GALNTL6: variants seen among roughly 807,000 people sequenced by gnomAD.
The protein encoded by GALNTL6 is polypeptide N-acetylgalactosaminyltransferase-like 6.
In GALNTL6, 46 loss-of-function variants were observed where a neutral mutation model predicts 73.7. That is an observed-to-expected ratio of 0.62 (90% CI 0.49 to 0.80). The LOEUF is 0.80. Ranked by LOEUF, GALNTL6 falls within the 30% of genes least tolerant of loss-of-function variation. The pLI, the probability that GALNTL6 is intolerant of heterozygous loss-of-function variation, is 0.00. For synonymous variants in GALNTL6, 259 were observed against 263.7 expected (o/e 0.98, Z 0.17); for missense variants, 604 against 755.0 (o/e 0.80, Z 2.34).
chr4:172,809,507 C>G lies in GALNTL6; in HGVS notation c.700C>G (p.His234Asp). The G allele has an allele frequency of 6.2e-7, 1 of 1,613,562 alleles. No homozygotes were observed. Among genetic ancestry groups the G allele is most frequent in the Non-Finnish European group, 8.5e-7 (1 of 1,179,746 alleles). The change falls in exon 6 of 13, where the codon CAC becomes GAC. Residue 234 changes from histidine to aspartate, a missense_variant. Physicochemically the swap from His to Asp is moderately conservative, Grantham distance 81. This residue lies in a region of GALNTL6 where 179 missense variants were observed against 230.8 expected (regional missense o/e 0.78). Transcript: ENST00000506823. The surrounding 1 kb of genome is among the most constrained non-coding windows in gnomAD (Gnocchi z 4.4). ...RGEVLTFLDSHCEVNVNWLPP... is the reference protein window; with the variant it reads ...RGEVLTFLDSDCEVNVNWLPP... ...AGAAGTCCTGACATTCCTGGACTCC[C>G]ACTGCGAGGTCAATGTGAACTGGCT... is the stretch of plus-strand genomic sequence containing the variant.
chr4:172,723,533 C>T (rs558771503), intron 5 of GALNTL6, among the ~76,000 whole-genome samples: 1 of 152,200 alleles, frequency 6.6e-6, no homozygotes, highest in South Asian at 2.1e-4. Context: ...TTTAGTTGAT[C>T]TTTATCTTTT....
intron 3 of GALNTL6, among the ~76,000 whole-genome samples, chr4:172,304,566 T>C (rs1740057704): frequency 6.6e-6 from 1 of 152,206 alleles, no homozygotes; most frequent in Non-Finnish European, 1.5e-5. Context: ...TTCAGCTGCT[T>C]ATTGCTCAAA....
chr4:171,845,340 G>T (rs896714424), intron 2 of GALNTL6, among the ~76,000 whole-genome samples: 5 of 152,120 alleles, frequency 3.3e-5, no homozygotes, highest in Non-Finnish European at 5.9e-5. Context: ...GTTCTGGACC[G>T]AAAGAAAAAC....
chr4:172,132,340 C>A (rs1215915569), intron 2 of GALNTL6, among the ~76,000 whole-genome samples: 1 of 151,994 alleles, frequency 6.6e-6, no homozygotes, highest in African/African-American at 2.4e-5. Flanking sequence ...ATTTTTTGAA[C>A]ACATGAATTT....
chr4:172,777,125 C>T (rs1249599647), intron 5 of GALNTL6, among the ~76,000 whole-genome samples: 1 of 152,148 alleles, frequency 6.6e-6, no homozygotes, highest in Non-Finnish European at 1.5e-5. Flanking sequence ...AAAATTATCA[C>T]ATCACTCTGT....
At chr4:172,114,862 T>C (rs891537494) in intron 2 of GALNTL6, among the ~76,000 whole-genome samples, 1 of 151,976 alleles carries the variant, frequency 6.6e-6, no homozygotes, top group African/African-American at 2.4e-5. Context: ...CAAATTTTAT[T>C]ACATACGACA....
chr4:172,989,181 G>A (rs915869743), intron 10 of GALNTL6, among the ~76,000 whole-genome samples: 2 of 152,190 alleles, frequency 1.3e-5, no homozygotes, highest in Non-Finnish European at 2.9e-5. Context: ...AACCAAGGAG[G>A]CTATATCTTG....
At chr4:172,674,341 C>T (rs1477977915) in intron 5 of GALNTL6, among the ~76,000 whole-genome samples, 1 of 152,178 alleles carries the variant, frequency 6.6e-6, no homozygotes, top group African/African-American at 2.4e-5. Context: ...CACCATTAAA[C>T]TCATGAGCTT....
chr4:172,755,214 A>C (rs2110798730), intron 5 of GALNTL6, among the ~76,000 whole-genome samples: 1 of 144,894 alleles, frequency 6.9e-6, no homozygotes, highest in Admixed American at 7.1e-5. Flanking sequence ...AAGCCATAAG[A>C]TAAGAGATAG....
rs371549177 is a variant in GALNTL6, at chr4:172,559,185, C to T, written c.553+210496C>T. 4.7e-5 allele frequency among the ~76,000 whole-genome samples: 7 copies of T among 149,726 alleles called. No homozygotes were observed. The East Asian group carries it at 1.2e-3, about 25-fold the overall frequency. On this transcript the variant is annotated intron_variant, in intron 5 of 12. Coordinates refer to ENST00000506823, the MANE Select transcript of GALNTL6 (RefSeq NM_001034845.3). ...GTTCATGCCGTTCTCCTGCCTCAGCCTCCCGAGTAGCTGAGACCACAGGCA... is the reference window on the plus strand; with the variant it reads ...GTTCATGCCGTTCTCCTGCCTCAGCTTCCCGAGTAGCTGAGACCACAGGCA...
intron 8 of GALNTL6, among the ~76,000 whole-genome samples, chr4:172,918,120 T>C (rs1281452682): frequency 2.6e-5 from 4 of 152,192 alleles, no homozygotes; most frequent in Non-Finnish European, 5.9e-5. Context: ...ACCATCATTC[T>C]GAGCAAACTA....
intron 2 of GALNTL6, among the ~76,000 whole-genome samples, chr4:171,903,443 A>G (rs181498636): frequency 1.3e-5 from 2 of 152,244 alleles, no homozygotes; most frequent in Non-Finnish European, 2.9e-5. Flanking sequence ...GAAGGGCTTA[A>G]AAAACGGCAC....
At chr4:172,715,671 T>C (rs899509332) in intron 5 of GALNTL6, among the ~76,000 whole-genome samples, 2 of 152,214 alleles carry the variant, frequency 1.3e-5, no homozygotes, top group African/African-American at 4.8e-5. Flanking sequence ...AAAGTCATTC[T>C]TAGTTAACAA....
chr4:172,105,112 A>G (rs1732640118), intron 2 of GALNTL6, among the ~76,000 whole-genome samples: 2 of 152,154 alleles, frequency 1.3e-5, no homozygotes, highest in African/African-American at 4.8e-5. Context: ...AGAAAAAGAA[A>G]CCTAATGTGA....
intron 5 of GALNTL6, among the ~76,000 whole-genome samples, chr4:172,686,093 A>C (rs560883720): frequency 6.6e-6 from 1 of 152,302 alleles, no homozygotes; most frequent in African/African-American, 2.4e-5. Flanking sequence ...TTGGAGAGTA[A>C]GTTTGGAGAG....
At chr4:172,484,121 C>G (rs1185471176) in intron 5 of GALNTL6, among the ~76,000 whole-genome samples, 1 of 152,108 alleles carries the variant, frequency 6.6e-6, no homozygotes, top group Non-Finnish European at 1.5e-5. Context: ...TGTTTTGAAA[C>G]AGATTCCTTT....
intron 2 of GALNTL6, among the ~76,000 whole-genome samples, chr4:172,074,697 A>C (rs1224328283): frequency 2.0e-5 from 3 of 152,160 alleles, no homozygotes; most frequent in African/African-American, 7.2e-5. Flanking sequence ...CCCTTCTTAT[A>C]AAAGTGCACA....
intron 5 of GALNTL6, among the ~76,000 whole-genome samples, chr4:172,769,489 A>T (rs1738634457): frequency 6.6e-6 from 1 of 152,192 alleles, no homozygotes; most frequent in South Asian, 2.1e-4. Flanking sequence ...TCAGAAAGAA[A>T]TCAGGAAATA....
At chr4:172,329,324 G>A (rs989511547) in intron 4 of GALNTL6, among the ~76,000 whole-genome samples, 6 of 152,158 alleles carry the variant, frequency 3.9e-5, no homozygotes, top group Non-Finnish European at 8.8e-5. Context: ...TAGGCCAGGA[G>A]GACCCACCTA....
Sources: gnomAD v4.1 joint callset for allele counts (sites outside exome capture counted in the v4.1 genomes callset) on GRCh38, gnomAD v4.1.1 for gene constraint, gnomAD v4.1.1 regional missense constraint, Gnocchi (gnomAD v3.1) non-coding constraint, MANE v1.5 for transcripts, NCBI Gene and HGNC (gene_info 2026-07-23, HGNC 2026-07-21) for gene names.